Variants in CCSER1 observed in about 807,000 individuals in gnomAD.
CCSER1 encodes coiled-coil serine rich protein 1, also known as serine-rich coiled-coil domain-containing protein 1.
Under a neutral mutation model 82.0 loss-of-function variants are expected in CCSER1, and 41 were observed. The ratio of observed to expected loss-of-function variants is 0.50; its 90% CI spans 0.39 to 0.65. The LOEUF is 0.65. Among genes scored for constraint, CCSER1 ranks in the 30% least tolerant of loss-of-function variants. CCSER1 has a pLI of 0.00. For missense variants in CCSER1, 1,119 were observed against 1,064.2 expected, an observed-to-expected ratio of 1.05 and a Z score of -0.72; for synonymous variants, 414 against 383.9, an observed-to-expected ratio of 1.08 and a Z score of -0.92.
At chr4:91,398,891 T>C (rs530444455) in intron 10 of CCSER1, among the ~76,000 whole-genome samples, 2 of 152,040 alleles carry the variant, frequency 1.3e-5, no homozygotes, top group Admixed American at 1.3e-4. Context: ...AGAATTATTC[T>C]TGGACCAGTG....
intron 10 of CCSER1, among the ~76,000 whole-genome samples, chr4:91,182,812 A>G (rs896754605): frequency 7.2e-5 from 11 of 152,206 alleles, no homozygotes; most frequent in African/African-American, 2.7e-4. Context: ...CAAATGAGGG[A>G]ACATGTGTGA....
chr4:91,414,352 TTAAAA>T (rs1753230193), intron 10 of CCSER1, among the ~76,000 whole-genome samples: 1 of 152,114 alleles, frequency 6.6e-6, no homozygotes, highest in African/African-American at 2.4e-5. Context: ...TGTTATTTGC[TTAAAA>T]TAAAATTTTA....
intron 5 of CCSER1, among the ~76,000 whole-genome samples, chr4:90,479,326 T>C (rs1765551915): frequency 6.6e-6 from 1 of 152,130 alleles, no homozygotes. Context: ...CTTTTTTTCA[T>C]GCTTCTGTTC....
At chr4:91,059,408 G>T in intron 9 of CCSER1, among the ~76,000 whole-genome samples, 1 of 144,762 alleles carries the variant, frequency 6.9e-6, no homozygotes, top group African/African-American at 2.6e-5. Flanking sequence ...TTTGTGGTTT[G>T]TTTTTGTTGT....
At chr4:91,122,828 C>A (rs1727204307) in intron 10 of CCSER1, among the ~76,000 whole-genome samples, 1 of 151,726 alleles carries the variant, frequency 6.6e-6, no homozygotes, top group African/African-American at 2.4e-5. Context: ...AGGCATACAA[C>A]CACCAAATAC....
At chr4:91,483,739 A>C (rs1270682644) in intron 10 of CCSER1, among the ~76,000 whole-genome samples, 2 of 152,064 alleles carry the variant, frequency 1.3e-5, no homozygotes, top group Non-Finnish European at 2.9e-5. Context: ...CCTGGCCTGT[A>C]CTGTTTCATT....
intron 6 of CCSER1, among the ~76,000 whole-genome samples, chr4:90,648,284 GGAAAGAAAGAAAGAAA>G (rs564907502): frequency 3.1e-3 from 283 of 89,956 alleles, no homozygotes; most frequent in African/African-American, 8.8e-3. Flanking sequence ...GAGAAAGAAA[GGAAAGAAAGAAAGAAA>G]GAAAGAAAGA....
intron 10 of CCSER1, among the ~76,000 whole-genome samples, chr4:91,218,132 G>A (rs1737428214): frequency 6.6e-6 from 1 of 152,234 alleles, no homozygotes; most frequent in East Asian, 1.9e-4. Context: ...GGCAGCTAAG[G>A]CCCAGCGAGA....
At chr4:91,581,791 G>A (rs1310327778) in intron 10 of CCSER1, among the ~76,000 whole-genome samples, 1 of 151,426 alleles carries the variant, frequency 6.6e-6, no homozygotes, top group African/African-American at 2.4e-5. Context: ...AATCTTTGTT[G>A]TGAGGGCCTA....
chr4:90,500,996 T>C (rs1350502780), intron 5 of CCSER1, among the ~76,000 whole-genome samples: 1 of 152,066 alleles, frequency 6.6e-6, no homozygotes, highest in East Asian at 1.9e-4. Context: ...ATATTCTATA[T>C]AAAGAATATA....
At chr4:90,302,061 C>T (rs1352913771) in intron 1 of CCSER1, among the ~76,000 whole-genome samples, 1 of 152,070 alleles carries the variant, frequency 6.6e-6, no homozygotes, top group Non-Finnish European at 1.5e-5. Flanking sequence ...TAATTACCCT[C>T]AGGATTATAA....
intron 10 of CCSER1, among the ~76,000 whole-genome samples, chr4:91,376,710 G>T (rs1440341674): frequency 6.6e-6 from 1 of 152,134 alleles, no homozygotes; most frequent in Non-Finnish European, 1.5e-5. Flanking sequence ...ATTTGATGTT[G>T]TGAAGAAAAA....
At chr4:91,567,038 T>A (rs1394933798) in intron 10 of CCSER1, among the ~76,000 whole-genome samples, 2 of 152,026 alleles carry the variant, frequency 1.3e-5, no homozygotes, top group Non-Finnish European at 2.9e-5. Flanking sequence ...GTGCTATGAA[T>A]TTCCCTGCCT....
intron 10 of CCSER1, among the ~76,000 whole-genome samples, chr4:91,433,884 T>C (rs1754477113): frequency 6.6e-6 from 1 of 152,214 alleles, no homozygotes; most frequent in East Asian, 1.9e-4. Context: ...TACTAAATAA[T>C]AAATCAGTGT....
intron 4 of CCSER1, among the ~76,000 whole-genome samples, chr4:90,410,814 C>A (rs529559645): frequency 3.3e-5 from 5 of 152,018 alleles, no homozygotes; most frequent in Non-Finnish European, 7.4e-5. Flanking sequence ...AAAAACCCTT[C>A]AAAAAATCAA....
chr4:91,134,765 T>A (rs2148915516), intron 10 of CCSER1, among the ~76,000 whole-genome samples: 1 of 152,206 alleles, frequency 6.6e-6, no homozygotes, highest in African/African-American at 2.4e-5. Context: ...TTTTCAGTCT[T>A]AAAATACTCC....
intron 4 of CCSER1, among the ~76,000 whole-genome samples, chr4:90,463,653 G>A (rs1763243883): frequency 6.6e-6 from 1 of 152,076 alleles, no homozygotes; most frequent in South Asian, 2.1e-4. Flanking sequence ...CAAGTCAAAA[G>A]CAAATTCTTT....
At chr4:90,137,024 G>T (rs1723816932) in intron 1 of CCSER1, among the ~76,000 whole-genome samples, 1 of 152,164 alleles carries the variant, frequency 6.6e-6, no homozygotes, top group Admixed American at 6.5e-5. Flanking sequence ...ATTTTCAAAG[G>T]AATGTTACCT....
intron 10 of CCSER1, among the ~76,000 whole-genome samples, chr4:91,155,586 T>C (rs1032466064): frequency 1.3e-5 from 2 of 152,018 alleles, no homozygotes; most frequent in African/African-American, 4.8e-5. Flanking sequence ...CAACTTTCCA[T>C]ATCATTTTCA....
Sources: gnomAD v4.1 joint callset for allele counts (sites outside exome capture counted in the v4.1 genomes callset) on GRCh38, gnomAD v4.1.1 for gene constraint, MANE v1.5 for transcripts, NCBI Gene and HGNC (gene_info 2026-07-23, HGNC 2026-07-21) for gene names.